ADGB: variants seen among roughly 807,000 people sequenced by gnomAD.
ADGB encodes the protein calpain-7-like protein.
In ADGB, 172 loss-of-function variants were observed where a neutral mutation model predicts 210.5. The observed-to-expected ratio is 0.82, with a 90% CI of 0.72 to 0.93. The LOEUF is 0.93. Ranked by LOEUF, ADGB falls within the 40% of genes least tolerant of loss-of-function variation. The probability of loss-of-function intolerance (pLI) is 0.00; values close to 1 mark genes in which losing one functional copy is unlikely to be tolerated. For synonymous variants in ADGB, 658 were observed against 662.7 expected, an observed-to-expected ratio of 0.99 and a Z score of 0.11; for missense variants, 2,025 against 1,964.8, an observed-to-expected ratio of 1.03 and a Z score of -0.58.
At chr6:146,800,348 C>T (rs1319627122) in intron 33 of ADGB, among the ~76,000 whole-genome samples, 1 of 151,976 alleles carries the variant, frequency 6.6e-6, no homozygotes. Context: ...AATGATTGCC[C>T]GGAGTTTGTG....
chr6:146,615,510 G>A (rs1780785153), intron 1 of ADGB, among the ~76,000 whole-genome samples: 1 of 152,074 alleles, frequency 6.6e-6, no homozygotes, highest in Non-Finnish European at 1.5e-5. Flanking sequence ...TCACTCTACT[G>A]TGCTATCAAA....
chr6:146,782,566 G>A (rs1214434264), intron 30 of ADGB, among the ~76,000 whole-genome samples: 1 of 152,174 alleles, frequency 6.6e-6, no homozygotes, highest in Non-Finnish European at 1.5e-5. Flanking sequence ...TTCTAATACA[G>A]CCCCTTCCAG....
chr6:146,787,276 G>C (rs1162932145), intron 32 of ADGB, among the ~76,000 whole-genome samples: 1 of 152,080 alleles, frequency 6.6e-6, no homozygotes, highest in Non-Finnish European at 1.5e-5. Context: ...ATCAAGATTG[G>C]AAACACCACA....
chr6:146,743,080 C>T (rs1266707273), intron 25 of ADGB, among the ~76,000 whole-genome samples: 1 of 152,064 alleles, frequency 6.6e-6, no homozygotes, highest in Non-Finnish European at 1.5e-5. Context: ...TGTCCACACA[C>T]CAGTAGATGA....
intron 1 of ADGB, among the ~76,000 whole-genome samples, chr6:146,630,708 C>A (rs1294590316): frequency 6.6e-6 from 1 of 152,112 alleles, no homozygotes; most frequent in Non-Finnish European, 1.5e-5. Flanking sequence ...GTCTTGTGCC[C>A]AAATGAGGAA....
At chr6:146,728,806 A>T in intron 20 of ADGB, 65 bp downstream of exon 20, 1 of 1,309,226 alleles carries the variant, frequency 7.6e-7, no homozygotes, top group East Asian at 2.6e-5. Context: ...TATATCTTCC[A>T]TTAGGTGACC....
At chr6:146,690,252 T>C (rs1038305061) in intron 10 of ADGB, among the ~76,000 whole-genome samples, 2 of 152,164 alleles carry the variant, frequency 1.3e-5, no homozygotes, top group Non-Finnish European at 2.9e-5. Flanking sequence ...TTTAAGTGTC[T>C]GTTTTGTAAA....
chr6:146,783,833 T>C (rs1193764533), intron 30 of ADGB, among the ~76,000 whole-genome samples: 2 of 152,144 alleles, frequency 1.3e-5, no homozygotes, highest in African/African-American at 4.8e-5. Context: ...TACGTAAAAC[T>C]TGTCTCCCAG....
chr6:146,711,967 G>A (rs1776663667), intron 13 of ADGB, among the ~76,000 whole-genome samples: 2 of 151,908 alleles, frequency 1.3e-5, no homozygotes, highest in Non-Finnish European at 2.9e-5. Flanking sequence ...TGAGGCAGCA[G>A]GATGGCTTGA....
At chr6:146,809,990 G>A (rs200999100) in intron 35 of ADGB, among the ~76,000 whole-genome samples, 45,594 of 149,372 alleles carry the variant, frequency 0.31, 7,869 homozygotes, top group East Asian at 0.67. Context: ...CTGCTGCACA[G>A]CAAAGAAAAC....
At chr6:146,726,551 T>G (rs1008686164) in intron 19 of ADGB, among the ~76,000 whole-genome samples, 1 of 152,208 alleles carries the variant, frequency 6.6e-6, no homozygotes, top group Non-Finnish European at 1.5e-5. Context: ...TGCTTTATTT[T>G]CAAAGATTTT....
At chr6:146,724,458 A>C (rs192824789) in intron 18 of ADGB, 131 bp downstream of exon 18, 1 of 872,576 alleles carries the variant, frequency 1.1e-6, no homozygotes, top group African/African-American at 1.7e-5. Context: ...GCATAGGTCC[A>C]TGATTATTAT....
At position 146,815,262 on chromosome 6, in the gene ADGB, TATTTGTAATG is replaced by T. The variant is rs1778373680; in HGVS notation, c.*48_*57del. On this transcript the variant is annotated 3_prime_UTR_variant, in exon 36 of 36. Coordinates refer to ENST00000397944, the MANE Select transcript of ADGB (RefSeq NM_024694.4). ...ACCCTGCTTCTGGAGAGAAAAAATCTATTTGTAATGATCTTTAACTGCCTGCTGTTAAGAT... is the reference window on the plus strand; with the variant it reads ...ACCCTGCTTCTGGAGAGAAAAAATCTATCTTTAACTGCCTGCTGTTAAGAT... 1.4e-6 allele frequency: 2 copies of T among 1,397,494 alleles called. No homozygotes were observed. The highest frequency in any genetic ancestry group is 1.9e-6 in the Non-Finnish European group (2 of 1,066,242). 86.6% of individuals were successfully genotyped at this position (1,397,494 alleles called of 1,614,324 possible).
chr6:146,786,423 T>C (rs1777875469), intron 32 of ADGB, among the ~76,000 whole-genome samples: 2 of 152,016 alleles, frequency 1.3e-5, no homozygotes, highest in African/African-American at 2.4e-5. Flanking sequence ...ATCATGCTTT[T>C]CCATTTTTGT....
intron 32 of ADGB, among the ~76,000 whole-genome samples, chr6:146,787,983 C>A (rs1562301184): frequency 6.6e-6 from 1 of 152,122 alleles, no homozygotes; most frequent in South Asian, 2.1e-4. Context: ...TATTTTAAGA[C>A]AATTTTAAAT....
At chr6:146,807,604 A>G in intron 35 of ADGB, 1 of 1,525,722 alleles carries the variant, frequency 6.6e-7, no homozygotes, top group Non-Finnish European at 8.8e-7. Context: ...GATGTCCAAT[A>G]CCACCCTGCT....
chr6:146,807,457 A>G (rs1778229728), intron 35 of ADGB: 2 of 1,551,762 alleles, frequency 1.3e-6, no homozygotes. Context: ...GAGTACAGAA[A>G]CAAATTGCTG....
At chr6:146,780,309 A>G (rs1461882678) in intron 29 of ADGB, among the ~76,000 whole-genome samples, 1 of 152,190 alleles carries the variant, frequency 6.6e-6, no homozygotes, top group African/African-American at 2.4e-5. Flanking sequence ...AACAAGGTGT[A>G]GTGCATAAGA....
At chr6:146,722,180 C>T (rs1040502933) in intron 17 of ADGB, among the ~76,000 whole-genome samples, 3 of 152,008 alleles carry the variant, frequency 2.0e-5, no homozygotes, top group Non-Finnish European at 4.4e-5. Context: ...ACCTTGGTCC[C>T]CTACTTTCAT....
Sources: allele counts gnomAD v4.1 joint callset (sites outside exome capture counted in the v4.1 genomes callset), GRCh38; gene constraint gnomAD v4.1.1; transcripts MANE v1.5; gene names NCBI Gene and HGNC (gene_info 2026-07-23, HGNC 2026-07-21).